ZC3H8: variants seen among roughly 807,000 people sequenced by gnomAD.
The protein encoded by ZC3H8 is zinc finger CCCH domain-containing protein 8.
Under a neutral mutation model 42.5 loss-of-function variants are expected in ZC3H8, and 27 were observed. The observed-to-expected ratio is 0.64, with a 90% CI of 0.47 to 0.88. The LOEUF (loss-of-function observed/expected upper bound fraction) is 0.88. Ranked by LOEUF, ZC3H8 falls within the 40% of genes least tolerant of loss-of-function variation. The pLI is 0.00. For missense variants in ZC3H8, 277 were observed against 336.1 expected (o/e 0.82, Z 1.37); for synonymous variants, 101 against 110.1 (o/e 0.92, Z 0.52).
intron 8 of ZC3H8, among the ~76,000 whole-genome samples, chr2:112,227,949 C>T (rs924830897): frequency 6.6e-6 from 1 of 152,124 alleles, no homozygotes; most frequent in South Asian, 2.1e-4. Flanking sequence ...GATCTTAAAA[C>T]TTATATGGAA....
chr2:112,240,205 A>G (rs971434864), intron 2 of ZC3H8, among the ~76,000 whole-genome samples: 3 of 152,098 alleles, frequency 2.0e-5, no homozygotes, highest in Non-Finnish European at 4.4e-5. Context: ...CAGCTTCACC[A>G]CCTGTTTCTG....
intron 2 of ZC3H8, among the ~76,000 whole-genome samples, chr2:112,239,482 A>G (rs1685489078): frequency 6.6e-6 from 1 of 152,150 alleles, no homozygotes; most frequent in South Asian, 2.1e-4. Flanking sequence ...TTGCTTTCAC[A>G]TGATAACTAA....
chr2:112,223,833 G>C (rs1684700231), intron 8 of ZC3H8, among the ~76,000 whole-genome samples: 1 of 152,094 alleles, frequency 6.6e-6, no homozygotes. Context: ...AAAACAGAAG[G>C]CACAAATAAT....
At chr2:112,235,448 T>G (rs1483792370) in intron 4 of ZC3H8, among the ~76,000 whole-genome samples, 1 of 152,240 alleles carries the variant, frequency 6.6e-6, no homozygotes, top group Non-Finnish European at 1.5e-5. Context: ...AGTCCTGGCT[T>G]GGCCCTGTGT....
At chr2:112,253,129 G>GT (rs1686013145) in intron 1 of ZC3H8, among the ~76,000 whole-genome samples, 1 of 151,178 alleles carries the variant, frequency 6.6e-6, no homozygotes, top group Non-Finnish European at 1.5e-5. Flanking sequence ...GCCAGACTCT[G>GT]CTCAAAAAAA....
chr2:112,253,096 T>C (rs1012437903), intron 1 of ZC3H8, among the ~76,000 whole-genome samples: 5 of 151,698 alleles, frequency 3.3e-5, no homozygotes, highest in Non-Finnish European at 1.5e-5. Context: ...ATCGCGCCAC[T>C]GCACCCCAGC....
At chr2:112,243,152 A>G (rs1685641339) in intron 2 of ZC3H8, among the ~76,000 whole-genome samples, 1 of 152,220 alleles carries the variant, frequency 6.6e-6, no homozygotes. Flanking sequence ...CAAAGTTAAA[A>G]TAGGAACAAG....
In ZC3H8 at chr2:112,212,288, C is replaced by T. The variant is rs12477879; in HGVS notation, c.*4196G>A. The T allele has an allele frequency of 0.13, 19,618 of 152,266 alleles. 1,415 individuals are homozygous for T. Among genetic ancestry groups the T allele is most frequent in the Non-Finnish European group, 0.16 (10,560 of 68,008 alleles). The allele number at this position is 152,266 out of a possible 1,614,324, so 9.4% of individuals were successfully genotyped here. On this transcript the variant is annotated 3_prime_UTR_variant, in exon 9 of 9. Coordinates refer to ENST00000409573, the MANE Select transcript of ZC3H8 (RefSeq NM_032494.3). Reference sequence around the variant, plus strand: ...ATCTCCCAAAGGCCCTACCTCCTAACAGTTAGTCCTAGGAGTCAGGATTTC... The same window carrying T: ...ATCTCCCAAAGGCCCTACCTCCTAATAGTTAGTCCTAGGAGTCAGGATTTC...
At chr2:112,234,973 TATC>T (rs1685258070) in intron 4 of ZC3H8, among the ~76,000 whole-genome samples, 1 of 152,086 alleles carries the variant, frequency 6.6e-6, no homozygotes, top group African/African-American at 2.4e-5. Context: ...TGAGCACACT[TATC>T]AGCTCAAATT....
At chr2:112,220,018 CCTTTA>C (rs1341646986) in intron 8 of ZC3H8, among the ~76,000 whole-genome samples, 1 of 152,174 alleles carries the variant, frequency 6.6e-6, no homozygotes, top group African/African-American at 2.4e-5. Context: ...TTTCTCCGTT[CCTTTA>C]CTTTGAGCCT....
intron 8 of ZC3H8, among the ~76,000 whole-genome samples, chr2:112,229,319 A>G (rs140246337): frequency 6.6e-5 from 10 of 152,296 alleles, no homozygotes; most frequent in African/African-American, 2.2e-4. Flanking sequence ...AAAGTCTATT[A>G]GTATTATTTT....
chr2:112,233,155 T>C, intron 6 of ZC3H8, 105 bp downstream of exon 6: 1 of 665,968 alleles, frequency 1.5e-6, no homozygotes, highest in Non-Finnish European at 2.5e-6. Context: ...GCTTGGATAA[T>C]ATCATTTTGG....
chr2:112,216,805 CATG>C (rs1185564048), intron 8 of ZC3H8, among the ~76,000 whole-genome samples: 9 of 150,844 alleles, frequency 6.0e-5, no homozygotes, highest in Non-Finnish European at 1.3e-4. Context: ...TGAATGGAAA[CATG>C]ATAAACATTA....
Position 112,251,659 on chromosome 2 carries a change from G to A in ZC3H8, c.75-1387C>T, listed in dbSNP as rs541733905. Among the ~76,000 whole-genome samples, 8 of 152,262 alleles carry A rather than the reference G, an allele frequency of 5.3e-5. No homozygotes were observed. In the South Asian group the frequency reaches 1.0e-3, roughly 20 times the overall value. ...CATACATACTAAAAGCCCATTTTAC[G>A]GATGAGAAAACAATCACAGAAAGGA... On this transcript the variant is annotated intron_variant, in intron 1 of 8. Coordinates refer to ENST00000409573, the MANE Select transcript of ZC3H8 (RefSeq NM_032494.3).
chr2:112,248,290 C>T (rs985776982), intron 2 of ZC3H8, among the ~76,000 whole-genome samples: 3 of 150,420 alleles, frequency 2.0e-5, no homozygotes, highest in Non-Finnish European at 4.4e-5. Context: ...CATGCTACCA[C>T]ACTCCAGCCT....
At chr2:112,252,669 C>T (rs1685990355) in intron 1 of ZC3H8, among the ~76,000 whole-genome samples, 1 of 152,134 alleles carries the variant, frequency 6.6e-6, no homozygotes, top group Non-Finnish European at 1.5e-5. Context: ...CCCAGCTGTC[C>T]TGGCCACTTT....
chr2:112,249,449 T>C (rs1414433620), intron 2 of ZC3H8, among the ~76,000 whole-genome samples: 1 of 152,060 alleles, frequency 6.6e-6, no homozygotes, highest in Non-Finnish European at 1.5e-5. Context: ...TTTTTTGTTT[T>C]TGTTTTTGTT....
chr2:112,231,663 A>G (rs1440986893), intron 7 of ZC3H8, among the ~76,000 whole-genome samples, 175 bp downstream of exon 7: 1 of 152,228 alleles, frequency 6.6e-6, no homozygotes, highest in Non-Finnish European at 1.5e-5. Flanking sequence ...TTCAGCTACA[A>G]GGAAACATAT....
chr2:112,225,241 TA>T lies in ZC3H8; in HGVS notation c.*15+5661del, dbSNP rs375166221. Among the ~76,000 whole-genome samples the T allele has an allele frequency of 2.5e-3, 368 of 149,096 alleles. 2 individuals are homozygous for T. Among genetic ancestry groups the T allele is most frequent in the South Asian group, 0.011 (54 of 4,704 alleles). On this transcript the variant is annotated intron_variant, in intron 8 of 8. Transcript: ENST00000409573. ...TGTATACCTCAAAATAGTTAATTGTTAAAAAAAAAACTAACAAAAATATGCA... is the reference window on the plus strand; with the variant it reads ...TGTATACCTCAAAATAGTTAATTGTTAAAAAAAAACTAACAAAAATATGCA...
Sources: gnomAD v4.1 joint callset for allele counts (sites outside exome capture counted in the v4.1 genomes callset) on GRCh38, gnomAD v4.1.1 for gene constraint, MANE v1.5 for transcripts, NCBI Gene and HGNC (gene_info 2026-07-23, HGNC 2026-07-21) for gene names.